The following FOCAD variants were observed in gnomAD, a reference collection of about 807,000 sequenced individuals.
FOCAD encodes KIAA1797.
A neutral mutation model predicts 225.6 loss-of-function variants in FOCAD; 198 were observed. The observed-to-expected ratio is 0.88, with a 90% CI of 0.78 to 0.99. FOCAD has a LOEUF of 0.99. FOCAD is among the 50% of genes least tolerant of loss of function. The pLI, the probability that FOCAD is intolerant of heterozygous loss-of-function variation, is 0.00. For missense variants in FOCAD, 2,713 were observed against 2,123.6 expected, an observed-to-expected ratio of 1.28 and a Z score of -5.46; for synonymous variants, 897 against 755.0, an observed-to-expected ratio of 1.19 and a Z score of -3.08.
At chr9:20,855,233 A>T (rs143928557) in intron 15 of FOCAD, among the ~76,000 whole-genome samples, 74 of 151,768 alleles carry the variant, frequency 4.9e-4, no homozygotes, top group Middle Eastern at 3.4e-3. Flanking sequence ...ATGGTGATAC[A>T]TGGGTAAATA....
intron 21 of FOCAD, among the ~76,000 whole-genome samples, chr9:20,892,611 C>T (rs114154680): frequency 0.014 from 2,087 of 152,124 alleles, 46 homozygotes; most frequent in African/African-American, 0.048. Context: ...TGAGGAGTTG[C>T]TTCTTAGGGA....
Position 20,739,575 on chromosome 9 carries a change from G to T in FOCAD, c.288-661G>T, listed in dbSNP as rs552955634. Among the ~76,000 whole-genome samples, 18 of 151,368 alleles carry T rather than the reference G, an allele frequency of 1.2e-4. No homozygotes were observed. In the South Asian group the frequency reaches 3.7e-3, roughly 32 times the overall value. ...CCGAGATCGTGCCATTGAACTACAG[G>T]CTGGGCAACAAGAGTGAAACTCCAT... is the stretch of plus-strand genomic sequence containing the variant. On this transcript the variant is annotated intron_variant, in intron 4 of 43. Coordinates refer to ENST00000338382, the MANE Select transcript of FOCAD (RefSeq NM_001375567.1).
At chr9:20,782,165 C>T (rs191948230) in intron 10 of FOCAD, among the ~76,000 whole-genome samples, 3 of 152,204 alleles carry the variant, frequency 2.0e-5, no homozygotes, top group East Asian at 3.9e-4. Context: ...AAATCCAGTG[C>T]ACAATACTAG....
At chr9:20,773,002 T>C (rs1281519626) in intron 8 of FOCAD, among the ~76,000 whole-genome samples, 1 of 151,516 alleles carries the variant, frequency 6.6e-6, no homozygotes, top group Non-Finnish European at 1.5e-5. Context: ...GTTTTATAGA[T>C]AAATATTATA....
chr9:20,868,586 ATAAATGG>A (rs1474627335), intron 18 of FOCAD, among the ~76,000 whole-genome samples: 10 of 152,146 alleles, frequency 6.6e-5, no homozygotes, highest in African/African-American at 2.4e-4. Flanking sequence ...ATCTTCCAAC[ATAAATGG>A]TAAACGTACT....
At chr9:20,804,373 G>T (rs1358473560) in intron 11 of FOCAD, among the ~76,000 whole-genome samples, 1 of 152,028 alleles carries the variant, frequency 6.6e-6, no homozygotes, top group African/African-American at 2.4e-5. Flanking sequence ...AAAGCACTCA[G>T]TGAACATTTG....
chr9:20,876,152 C>T (rs767033098), intron 19 of FOCAD, among the ~76,000 whole-genome samples: 2 of 152,142 alleles, frequency 1.3e-5, no homozygotes, highest in East Asian at 1.9e-4. Flanking sequence ...ACAAAGAGAT[C>T]ACCTTTTCTC....
chr9:20,761,472 G>T (rs1829590510), intron 6 of FOCAD, among the ~76,000 whole-genome samples: 1 of 151,974 alleles, frequency 6.6e-6, no homozygotes, highest in African/African-American at 2.4e-5. Flanking sequence ...CCAGGCTGGA[G>T]TGCAGTGGTG....
chr9:20,721,907 T>C, intron 4 of FOCAD, among the ~76,000 whole-genome samples: 1 of 32,114 alleles, frequency 3.1e-5, no homozygotes, highest in Non-Finnish European at 5.4e-5. Flanking sequence ...CCCCTCCCTT[T>C]CCTTTTCCTT....
At chr9:20,844,889 A>G (rs772154934) in intron 15 of FOCAD, among the ~76,000 whole-genome samples, 5 of 152,016 alleles carry the variant, frequency 3.3e-5, no homozygotes, top group Non-Finnish European at 5.9e-5. Context: ...CCTATCCCTT[A>G]GGTTTGTGTC....
At chr9:20,722,486 T>A (rs1158325179) in intron 4 of FOCAD, among the ~76,000 whole-genome samples, 3 of 152,250 alleles carry the variant, frequency 2.0e-5, no homozygotes, top group Non-Finnish European at 2.9e-5. Flanking sequence ...CGCTAATTGT[T>A]GTTTCACAGT....
At position 20,885,170 on chromosome 9, in the gene FOCAD, CAG is replaced by C. The variant is rs1452058694; in HGVS notation, c.2567_2568del (p.Arg856ThrfsTer19). The C allele has an allele frequency of 7.8e-6, 12 of 1,547,340 alleles. No homozygotes were observed. The African/African-American group carries it at 1.7e-4, about 21-fold the overall frequency. ...YQSKDGKPLN[R>X]LMASRGRSFK... ...AGAGTAAAGATGGAAAACCATTGAA[CAG>C]ACTGATGGCCAGCAGAGGGCGAAGT... On this transcript the variant is annotated frameshift_variant, in exon 21 of 44. Coordinates refer to ENST00000338382, the MANE Select transcript of FOCAD (RefSeq NM_001375567.1). LOFTEE classifies it high-confidence loss of function.
intron 36 of FOCAD, among the ~76,000 whole-genome samples, chr9:20,976,820 C>T (rs1840272812): frequency 6.6e-6 from 1 of 152,184 alleles, no homozygotes; most frequent in African/African-American, 2.4e-5. Context: ...GTACAGGTTC[C>T]ATTAAGCTTG....
chr9:20,699,151 G>A (rs1823630541), intron 1 of FOCAD, among the ~76,000 whole-genome samples: 1 of 152,132 alleles, frequency 6.6e-6, no homozygotes. Context: ...TTATTTGTGT[G>A]GCTTGTTCCT....
intron 15 of FOCAD, among the ~76,000 whole-genome samples, chr9:20,852,035 A>C (rs1202032427): frequency 6.6e-6 from 1 of 151,782 alleles, no homozygotes; most frequent in African/African-American, 2.4e-5. Flanking sequence ...GTGATAGGTC[A>C]GTTACCACCA....
chr9:20,841,018 A>ATATGTCAT (rs1826468431), intron 15 of FOCAD, among the ~76,000 whole-genome samples: 1 of 151,972 alleles, frequency 6.6e-6, no homozygotes, highest in Non-Finnish European at 1.5e-5. Context: ...TATTGATACG[A>ATATGTCAT]TATGTCATAT....
intron 27 of FOCAD, among the ~76,000 whole-genome samples, chr9:20,930,796 C>A (rs1055607469): frequency 6.6e-6 from 1 of 152,116 alleles, no homozygotes; most frequent in Non-Finnish European, 1.5e-5. Context: ...AAATATAGGT[C>A]TTGTTCTGGA....
intron 21 of FOCAD, among the ~76,000 whole-genome samples, chr9:20,891,594 G>C (rs532974678): frequency 1.3e-5 from 2 of 152,306 alleles, no homozygotes; most frequent in South Asian, 2.1e-4. Flanking sequence ...GTCTAATCTA[G>C]AGGAAGACTC....
chr9:20,935,618 C>G (rs1587658778), intron 28 of FOCAD, among the ~76,000 whole-genome samples: 1 of 152,310 alleles, frequency 6.6e-6, no homozygotes, highest in South Asian at 2.1e-4. Context: ...AGGCTGGTCT[C>G]AAACTCCTGA....
Sources: gnomAD v4.1 joint callset for allele counts (sites outside exome capture counted in the v4.1 genomes callset) on GRCh38, gnomAD v4.1.1 for gene constraint, MANE v1.5 for transcripts, NCBI Gene and HGNC (gene_info 2026-07-23, HGNC 2026-07-21) for gene names.